LARP1B: variants seen among roughly 807,000 people sequenced by gnomAD.
LARP1B encodes la-related protein 1B.
LARP1B carries 76 observed loss-of-function variants against 114.2 expected under a neutral mutation model. The ratio of observed to expected loss-of-function variants is 0.67; its 90% CI spans 0.55 to 0.81. The LOEUF is 0.81. Ranked by LOEUF, LARP1B falls within the 30% of genes least tolerant of loss-of-function variation. The pLI, the probability that LARP1B is intolerant of heterozygous loss-of-function variation, is 0.00. For synonymous variants in LARP1B, 345 were observed against 348.0 expected, an observed-to-expected ratio of 0.99 and a Z score of 0.10; for missense variants, 1,014 against 1,075.8, an observed-to-expected ratio of 0.94 and a Z score of 0.80.
intron 11 of LARP1B, 147 bp downstream of exon 11, chr4:128,122,335 C>G: frequency 6.8e-7 from 1 of 1,466,630 alleles, no homozygotes; most frequent in Non-Finnish European, 9.0e-7. Flanking sequence ...TGGAAATATA[C>G]CTGATAATTA....
chr4:128,151,501 C>CT (rs1732762620), intron 11 of LARP1B, among the ~76,000 whole-genome samples: 1 of 148,964 alleles, frequency 6.7e-6, no homozygotes, highest in South Asian at 2.1e-4. Context: ...CTTTTTTTTT[C>CT]TTTTTGGCTA....
chr4:128,075,045 T>C, intron 3 of LARP1B, 52 bp downstream of exon 3: 1 of 1,131,592 alleles, frequency 8.8e-7, no homozygotes, highest in South Asian at 1.3e-5. Flanking sequence ...ATGTATTCAT[T>C]TCGACATGCA....
chr4:128,109,551 T>C (rs1422958348), intron 9 of LARP1B, among the ~76,000 whole-genome samples: 1 of 152,158 alleles, frequency 6.6e-6, no homozygotes, highest in Admixed American at 6.5e-5. Context: ...GGTTTTGCAG[T>C]TTTATGGATA....
In LARP1B at chr4:128,162,283, A is replaced by G. The variant is rs1411103046; in HGVS notation, c.1614A>G (p.Gln538=). The G allele has an allele frequency of 1.9e-6, 3 of 1,613,270 alleles. No individual in the cohort carries two copies. Among genetic ancestry groups the G allele is most frequent in the Non-Finnish European group, 8.5e-7 (1 of 1,179,408 alleles). Residue 538 remains glutamine, a synonymous_variant, in exon 12 of 20, where the codon CAA becomes CAG. Transcript: ENST00000326639. ...CTGAACTTCCTTTTGAGCCAAACCAAGAAGTTCCTGTAGCACCTTCACAGT... is the reference window on the plus strand; with the variant it reads ...CTGAACTTCCTTTTGAGCCAAACCAGGAAGTTCCTGTAGCACCTTCACAGT... The part of the protein sequence containing the change: ...LTPELPFEPN[Q]EVPVAPSQSR...
intron 17 of LARP1B, among the ~76,000 whole-genome samples, chr4:128,203,126 AG>A (rs1183664806): frequency 6.6e-6 from 1 of 152,068 alleles, no homozygotes; most frequent in Non-Finnish European, 1.5e-5. Context: ...TGGGAGGAGG[AG>A]GTTGCAGTGA....
At chr4:128,120,452 C>CTTTT (rs34303419) in intron 10 of LARP1B, among the ~76,000 whole-genome samples, 1 of 143,824 alleles carries the variant, frequency 7.0e-6, no homozygotes, top group Non-Finnish European at 1.5e-5. Context: ...GTTTTAAGTT[C>CTTTT]TTTTTTTTTT....
chr4:128,154,765 CTG>C (rs1049826307), intron 11 of LARP1B, among the ~76,000 whole-genome samples: 1 of 152,118 alleles, frequency 6.6e-6, no homozygotes, highest in African/African-American at 2.4e-5. Flanking sequence ...GAATTGTAAT[CTG>C]TTTACAAAAT....
intron 10 of LARP1B, among the ~76,000 whole-genome samples, chr4:128,119,077 G>A (rs1284390316): frequency 6.6e-6 from 1 of 151,800 alleles, no homozygotes; most frequent in Admixed American, 6.6e-5. Flanking sequence ...TAGAGATGGG[G>A]TTTCACCATG....
chr4:128,182,107 C>T (rs34848208), intron 15 of LARP1B, among the ~76,000 whole-genome samples: 73,430 of 131,716 alleles, frequency 0.56, 22,720 homozygotes, highest in Middle Eastern at 0.8. Context: ...CCACTGCACC[C>T]GGCCTTTTTT....
Position 128,098,747 on chromosome 4 carries a change from G to GTGTGTATATATATATATATATATA in LARP1B, c.813+418_813+419insGTGTATATATATATATATATATAT. 1.9e-3 allele frequency among the ~76,000 whole-genome samples: 29 copies of GTGTGTATATATATATATATATATA among 15,582 alleles called. 8 individuals are homozygous for GTGTGTATATATATATATATATATA. The highest frequency in any genetic ancestry group is 2.7e-3 in the African/African-American group (14 of 5,172). The allele number at this position is 15,582 out of a possible 152,430, so 10.2% of individuals were successfully genotyped here. A position where few individuals can be genotyped will look rare whatever the true frequency, so the allele number is the denominator to read the frequency against. ...AGCATGTGTTCCTGTATATGTATGT[G>GTGTGTATATATATATATATATATA]TATATATATATATATATATATTTTT... On this transcript the variant is annotated intron_variant, in intron 8 of 19. Transcript: ENST00000326639.
intron 11 of LARP1B, 177 bp downstream of exon 11, chr4:128,122,365 AT>A: frequency 2.1e-6 from 3 of 1,461,054 alleles, no homozygotes; most frequent in Non-Finnish European, 2.7e-6. Flanking sequence ...GAATCGTTTT[AT>A]TTTATGAAAG....
At chr4:128,120,651 G>A (rs1311397443) in intron 10 of LARP1B, among the ~76,000 whole-genome samples, 1 of 151,218 alleles carries the variant, frequency 6.6e-6, no homozygotes, top group East Asian at 1.9e-4. Context: ...TGCATTTTTA[G>A]TAGAGATGGG....
intron 1 of LARP1B, among the ~76,000 whole-genome samples, chr4:128,065,336 C>CT (rs1762345582): frequency 2.8e-5 from 3 of 108,112 alleles, no homozygotes; most frequent in South Asian, 3.0e-4. Context: ...TCTCTCTTTC[C>CT]TTTCTTTTCT....
Position 128,107,331 on chromosome 4 carries a change from A to G in LARP1B, c.988+18A>G. The G allele has an allele frequency of 6.2e-7, 1 of 1,613,202 alleles. No individual in the cohort carries two copies. The highest frequency in any genetic ancestry group is 8.5e-7 in the Non-Finnish European group (1 of 1,179,440). ...ACATACAGGTAACATCTTTTCTTCT[A>G]GAGCAAACGATGTAACAGTGGGTTA... On this transcript the variant is annotated intron_variant, in intron 9 of 19. Coordinates refer to ENST00000326639, the MANE Select transcript of LARP1B (RefSeq NM_018078.4).
At chr4:128,176,959 G>A in intron 13 of LARP1B, 52 bp downstream of exon 13, 1 of 1,473,608 alleles carries the variant, frequency 6.8e-7, no homozygotes, top group East Asian at 2.3e-5. Flanking sequence ...TTTGCATTGG[G>A]TATACAAAAG....
intron 15 of LARP1B, among the ~76,000 whole-genome samples, chr4:128,185,028 G>A (rs1188830137): frequency 1.3e-5 from 2 of 151,812 alleles, no homozygotes; most frequent in East Asian, 1.9e-4. Flanking sequence ...ATACATACAT[G>A]TACATACACA....
intron 11 of LARP1B, among the ~76,000 whole-genome samples, chr4:128,145,957 A>G (rs893099024): frequency 4.6e-5 from 7 of 152,258 alleles, no homozygotes; most frequent in Non-Finnish European, 8.8e-5. Flanking sequence ...TTGGTAAAGA[A>G]GTGGTGCAAC....
chr4:128,112,580 T>C (rs1784494959), intron 9 of LARP1B, among the ~76,000 whole-genome samples: 1 of 148,958 alleles, frequency 6.7e-6, no homozygotes, highest in African/African-American at 2.4e-5. Context: ...TTCAAGGGAT[T>C]CTTCTGTCTC....
At chr4:128,082,627 C>T (rs1333098154) in intron 5 of LARP1B, among the ~76,000 whole-genome samples, 2 of 151,966 alleles carry the variant, frequency 1.3e-5, no homozygotes, top group Middle Eastern at 3.4e-3. Flanking sequence ...TCTTTAGGCT[C>T]CATTAATCTG....
Sources: allele counts gnomAD v4.1 joint callset (sites outside exome capture counted in the v4.1 genomes callset), GRCh38; gene constraint gnomAD v4.1.1; transcripts MANE v1.5; gene names NCBI Gene and HGNC (gene_info 2026-07-23, HGNC 2026-07-21).